Variants in PDGFC observed in about 807,000 individuals in gnomAD.
The protein encoded by PDGFC is platelet-derived growth factor C.
Under a neutral mutation model 35.5 loss-of-function variants are expected in PDGFC, and 12 were observed. The ratio of observed to expected loss-of-function variants is 0.34; its 90% confidence interval spans 0.22 to 0.55. The LOEUF (loss-of-function observed/expected upper bound fraction) is 0.55, where lower values mean the gene tolerates loss of function less well. PDGFC is among the 20% of genes least tolerant of loss of function. PDGFC has a pLI of 0.91. For missense variants in PDGFC, 322 were observed against 412.4 expected (o/e 0.78, Z 1.90); for synonymous variants, 159 against 148.8 (o/e 1.07, Z -0.50).
intron 1 of PDGFC, among the ~76,000 whole-genome samples, chr4:156,881,364 A>AT (rs963305640): frequency 4.6e-5 from 7 of 152,116 alleles, no homozygotes; most frequent in African/African-American, 1.7e-4. Context: ...TACAAATGTA[A>AT]TTTTTATCTG....
At chr4:156,878,757 A>G (rs1053005622) in intron 1 of PDGFC, among the ~76,000 whole-genome samples, 1 of 152,160 alleles carries the variant, frequency 6.6e-6, no homozygotes, top group African/African-American at 2.4e-5. Flanking sequence ...CATTAAAAAA[A>G]CTTCTCTGCT....
At chr4:156,862,248 G>A (rs1468674566) in intron 1 of PDGFC, among the ~76,000 whole-genome samples, 2 of 152,178 alleles carry the variant, frequency 1.3e-5, no homozygotes, top group African/African-American at 4.8e-5. Flanking sequence ...CTGCACAGAA[G>A]TGTTTGACAA....
intron 1 of PDGFC, among the ~76,000 whole-genome samples, chr4:156,895,910 T>C (rs543602250): frequency 2.8e-4 from 43 of 152,274 alleles, no homozygotes; most frequent in African/African-American, 1.0e-3. Context: ...GATTAACATA[T>C]TTAACATTAA....
intron 1 of PDGFC, among the ~76,000 whole-genome samples, chr4:156,940,239 T>A (rs1011259558): frequency 4.6e-5 from 7 of 152,120 alleles, no homozygotes; most frequent in African/African-American, 1.4e-4. Context: ...TATTTCCAAG[T>A]ATCCTGAAAA....
chr4:156,773,374 T>G (rs1185498171), intron 3 of PDGFC, among the ~76,000 whole-genome samples: 8 of 152,166 alleles, frequency 5.3e-5, no homozygotes, highest in African/African-American at 1.9e-4. Context: ...TTAAAGAACT[T>G]ATTAATCAAG....
intron 1 of PDGFC, among the ~76,000 whole-genome samples, chr4:156,899,702 C>A (rs888370051): frequency 6.6e-6 from 1 of 152,128 alleles, no homozygotes; most frequent in African/African-American, 2.4e-5. Flanking sequence ...GTAATCCCAG[C>A]TACTAGGGAG....
chr4:156,957,858 T>C (rs17035462), intron 1 of PDGFC, among the ~76,000 whole-genome samples: 6,361 of 152,036 alleles, frequency 0.042, 443 homozygotes, highest in African/African-American at 0.15. Context: ...ACAAACTGCA[T>C]TTTAGACTGC....
intron 2 of PDGFC, among the ~76,000 whole-genome samples, chr4:156,828,497 T>G (rs975144349): frequency 4.6e-5 from 7 of 152,176 alleles, no homozygotes; most frequent in African/African-American, 1.7e-4. Context: ...GTTTTCTAAT[T>G]TAAGGTACAA....
intron 1 of PDGFC, among the ~76,000 whole-genome samples, chr4:156,851,405 T>C (rs1729448585): frequency 2.0e-5 from 3 of 152,326 alleles, no homozygotes; most frequent in Admixed American, 6.5e-5. Flanking sequence ...AAGGTACCTT[T>C]TCACATTTAT....
chr4:156,938,223 G>T (rs996767283), intron 1 of PDGFC, among the ~76,000 whole-genome samples: 3 of 152,058 alleles, frequency 2.0e-5, no homozygotes, highest in African/African-American at 7.2e-5. Flanking sequence ...TCACTCTAAT[G>T]AAAGAAATAT....
intron 1 of PDGFC, among the ~76,000 whole-genome samples, chr4:156,961,536 A>G (rs1732343850): frequency 1.3e-5 from 2 of 152,178 alleles, no homozygotes; most frequent in Non-Finnish European, 2.9e-5. Flanking sequence ...AAGATAGTAC[A>G]TCCACCAAAA....
intron 2 of PDGFC, among the ~76,000 whole-genome samples, chr4:156,837,279 T>C (rs1729085379): frequency 6.6e-6 from 1 of 152,212 alleles, no homozygotes; most frequent in Admixed American, 6.5e-5. Flanking sequence ...CTTGGGAGGC[T>C]GAGGCAGGAG....
chr4:156,857,451 A>T (rs948446760), intron 1 of PDGFC, among the ~76,000 whole-genome samples: 1 of 152,058 alleles, frequency 6.6e-6, no homozygotes, highest in Non-Finnish European at 1.5e-5. Flanking sequence ...AAATTTTACC[A>T]TTTCTTTGAC....
At chr4:156,893,730 T>G (rs1308747296) in intron 1 of PDGFC, among the ~76,000 whole-genome samples, 1 of 152,046 alleles carries the variant, frequency 6.6e-6, no homozygotes, top group African/African-American at 2.4e-5. Flanking sequence ...TCTGTTAGTA[T>G]GCTTCATTGA....
At chr4:156,824,004 T>C (rs767132192) in intron 2 of PDGFC, among the ~76,000 whole-genome samples, 2 of 151,942 alleles carry the variant, frequency 1.3e-5, no homozygotes, top group African/African-American at 2.4e-5. Flanking sequence ...AATGATCTCA[T>C]TTATATGTGA....
chr4:156,870,845 T>C (rs1332521363), intron 1 of PDGFC, among the ~76,000 whole-genome samples: 1 of 152,160 alleles, frequency 6.6e-6, no homozygotes, highest in Non-Finnish European at 1.5e-5. Flanking sequence ...GTATACTATG[T>C]CTTGCTATAG....
In PDGFC at chr4:156,971,429, G is replaced by GGGGGAGGGGGAAGAAACAA. The variant is rs953222000; in HGVS notation, c.-545_-527dup. The GGGGGAGGGGGAAGAAACAA allele has an allele frequency of 1.9e-5, 7 of 376,836 alleles. No individual in the cohort carries two copies. Among genetic ancestry groups the GGGGGAGGGGGAAGAAACAA allele is most frequent in the African/African-American group, 1.5e-4 (7 of 47,666 alleles). The allele number at this position is 376,836 out of a possible 1,614,324, so 23.3% of individuals were successfully genotyped here. Reference sequence around the variant, plus strand: ...CCCCGCCCCACCCCCCACCCCCGAAGGGGGAGGGGGAAGAAACAAGGCGAG... The same window carrying GGGGGAGGGGGAAGAAACAA: ...CCCCGCCCCACCCCCCACCCCCGAAGGGGGAGGGGGAAGAAACAAGGGGAGGGGGAAGAAACAAGGCGAG... On this transcript the variant is annotated 5_prime_UTR_variant, in exon 1 of 6. Coordinates refer to ENST00000502773, the MANE Select transcript of PDGFC (RefSeq NM_016205.3).
At chr4:156,797,165 G>C (rs1731466224) in intron 3 of PDGFC, among the ~76,000 whole-genome samples, 1 of 151,582 alleles carries the variant, frequency 6.6e-6, no homozygotes, top group Admixed American at 6.6e-5. Flanking sequence ...ATGAACCTGG[G>C]AGGCAGAGCT....
At chr4:156,935,409 A>G (rs1024682243) in intron 1 of PDGFC, among the ~76,000 whole-genome samples, 2 of 152,248 alleles carry the variant, frequency 1.3e-5, no homozygotes, top group African/African-American at 2.4e-5. Context: ...AGTATTATGC[A>G]CTATACATAA....
Sources: gnomAD v4.1 joint callset for allele counts (sites outside exome capture counted in the v4.1 genomes callset) on GRCh38, gnomAD v4.1.1 for gene constraint, MANE v1.5 for transcripts, NCBI Gene and HGNC (gene_info 2026-07-23, HGNC 2026-07-21) for gene names.